The following EP300 variants were observed in gnomAD, a reference collection of about 807,000 sequenced individuals.
EP300 encodes the protein EP300 lysine acetyltransferase.
Under a neutral mutation model 264.0 loss-of-function variants are expected in EP300, and 31 were observed. That is an observed-to-expected ratio of 0.12 (90% confidence interval 0.09 to 0.16). The LOEUF (loss-of-function observed/expected upper bound fraction) is 0.16. Ranked by LOEUF, EP300 falls within the 10% of genes least tolerant of loss-of-function variation. The pLI, the probability that EP300 is intolerant of heterozygous loss-of-function variation, is 1.00. For synonymous variants in EP300, 1,340 were observed against 1,045.4 expected (o/e 1.28, Z -5.44); for missense variants, 2,766 against 3,052.9 (o/e 0.91, Z 2.21).
intron 8 of EP300, among the ~76,000 whole-genome samples, chr22:41,137,997 C>T (rs2058961713): frequency 6.6e-6 from 1 of 152,158 alleles, no homozygotes; most frequent in African/African-American, 2.4e-5. Flanking sequence ...GGTAGTCTTT[C>T]AGCTTTAATG....
At position 41,126,059 on chromosome 22, in the gene EP300, C is replaced by G. The variant is rs768099570; in HGVS notation, c.906+19C>G. On this transcript the variant is annotated intron_variant, in intron 3 of 30. Coordinates refer to ENST00000263253, the MANE Select transcript of EP300 (RefSeq NM_001429.4). ...CAACATGGTGAGTACTAATCCATTA[C>G]AGACTTGTTTTCAAACTGGCATTTT... is the stretch of plus-strand genomic sequence containing the variant. 1 of 1,612,782 alleles carries G rather than the reference C, an allele frequency of 6.2e-7. No homozygotes were observed. The highest frequency in any genetic ancestry group is 8.5e-7 in the Non-Finnish European group (1 of 1,178,804).
At chr22:41,108,276 TCTCATTCTGTCG>T (rs1203799570) in intron 1 of EP300, among the ~76,000 whole-genome samples, 2 of 134,366 alleles carry the variant, frequency 1.5e-5, no homozygotes, top group African/African-American at 2.9e-5. Flanking sequence ...TGAGACAGGG[TCTCATTCTGTCG>T]CCCAGTCTGG....
intron 10 of EP300, 43 bp from the exon 11 acceptor site, chr22:41,146,696 G>A: frequency 6.3e-7 from 1 of 1,578,596 alleles, no homozygotes; most frequent in Non-Finnish European, 8.7e-7. Context: ...GTTTGGTTAA[G>A]GGAAGATGGT....
chr22:41,171,806 T>A (rs1401314950), intron 27 of EP300, among the ~76,000 whole-genome samples: 6 of 151,528 alleles, frequency 4.0e-5, no homozygotes, highest in African/African-American at 1.5e-4. Flanking sequence ...AGAGACGGGG[T>A]TTCTCCACAT....
Position 41,177,890 on chromosome 22 carries a change from C to T in EP300, c.6179C>T (p.Ser2060Phe). ...CAAAACCTTTTGCGGACTCTCAGGT[C>T]TCCCAGCTCTCCCCTGCAGCAGCAA... is the stretch of plus-strand genomic sequence containing the variant. ...ALQNLLRTLR[S>F]PSSPLQQQQV... is the part of the protein sequence containing the mutation. The change falls in exon 31 of 31, where the codon TCT (serine) becomes TTT (phenylalanine). Residue 2060 changes from serine to phenylalanine, a missense_variant. By Grantham distance (155) the Ser-to-Phe change is radical. Transcript: ENST00000263253. 1 of 1,614,216 alleles carries T rather than the reference C, an allele frequency of 6.2e-7. No homozygotes were observed.
intron 28 of EP300, 145 bp from the exon 29 acceptor site, chr22:41,173,478 A>G (rs1181020121): frequency 2.2e-6 from 2 of 901,042 alleles, no homozygotes; most frequent in East Asian, 5.4e-5. Flanking sequence ...TTAAGGAGAA[A>G]GAATAAGTGA....
In EP300 at chr22:41,092,978, T is replaced by C. The variant is rs369105315; in HGVS notation, c.-27T>C. The C allele has an allele frequency of 9.3e-6, 15 of 1,613,446 alleles. No individual in the cohort carries two copies. Among genetic ancestry groups the C allele is most frequent in the South Asian group, 4.4e-5 (4 of 91,076 alleles). ...GATTTCCTGAGGATTCTGGTTTTCC[T>C]CGCTTGTATCTCCGAAAGAATTAAA... On this transcript the variant is annotated 5_prime_UTR_variant, in exon 1 of 31. Transcript: ENST00000263253.
Position 41,179,766 on chromosome 22 carries a change from TA to T in EP300, c.*817del. 4.3e-6 allele frequency: 1 copy of T among 230,926 alleles called. No individual in the cohort carries two copies. The allele number at this position is 230,926 out of a possible 1,614,324, so 14.3% of individuals were successfully genotyped here. On this transcript the variant is annotated 3_prime_UTR_variant, in exon 31 of 31. Transcript: ENST00000263253. ...TTCGTTATTTTTACATCTAACAAAG[TA>T]AAAAAATTAAAAAGAGGGTAAGAAA...
chr22:41,176,662 G>A, intron 30 of EP300, 111 bp from the exon 31 acceptor site: 1 of 1,610,046 alleles, frequency 6.2e-7, no homozygotes, highest in Admixed American at 1.7e-5. Flanking sequence ...GAGCTGAAGA[G>A]GCTAGTTTTT....
At chr22:41,169,719 C>T (rs537858296) in intron 26 of EP300, 103 bp downstream of exon 26, 10 of 726,176 alleles carry the variant, frequency 1.4e-5, no homozygotes, top group South Asian at 1.2e-4. Context: ...TTTTTTTCCT[C>T]ATTTTAGTTC....
Position 41,177,504 on chromosome 22 carries a change from G to A in EP300, c.5793G>A (p.Gln1931=), listed in dbSNP as rs2059208172. 5 of 1,614,198 alleles carry A rather than the reference G, an allele frequency of 3.1e-6. No homozygotes were observed. In the East Asian group the frequency reaches 1.1e-4, roughly 36 times the overall value. ...PPPAAVEMAM[Q]IQRAAETQRQ... ...CTGCAGCAGTGGAAATGGCAATGCAGATTCAGAGAGCAGCGGAGACGCAGC... is the reference window on the plus strand; with the variant it reads ...CTGCAGCAGTGGAAATGGCAATGCAAATTCAGAGAGCAGCGGAGACGCAGC... The change falls in exon 31 of 31, where the codon CAG becomes CAA. Residue 1931 remains glutamine (Q), a synonymous_variant. Transcript: ENST00000263253.
intron 15 of EP300, 90 bp from the exon 16 acceptor site, chr22:41,152,116 G>A (rs2059049555): frequency 1.9e-6 from 3 of 1,577,674 alleles, no homozygotes; most frequent in South Asian, 1.1e-5. Context: ...AGATCTCATG[G>A]CATAGATTTT....
chr22:41,093,052 T>C lies in EP300; in HGVS notation c.48T>C (p.Pro16=), dbSNP rs2058682349. The part of the protein sequence containing the change: ...VEPGPPSAKR[P]KLSSPALSAS... ...CGGGGCCGCCTTCAGCCAAGCGGCC[T>C]AAACTCTCATCTCCGGCCCTCTCGG... The change falls in exon 1 of 31, where the codon CCT becomes CCC. Residue 16 remains proline, a synonymous_variant. Coordinates refer to ENST00000263253, the MANE Select transcript of EP300 (RefSeq NM_001429.4). 1 of 1,614,020 alleles carries C rather than the reference T, an allele frequency of 6.2e-7. No individual in the cohort carries two copies. Among genetic ancestry groups the C allele is most frequent in the Non-Finnish European group, 8.5e-7 (1 of 1,180,032 alleles).
intron 7 of EP300, 111 bp downstream of exon 7, chr22:41,136,017 A>G: frequency 1.2e-6 from 1 of 837,676 alleles, no homozygotes; most frequent in Non-Finnish European, 2.0e-6. Context: ...GTCTTTGAAT[A>G]CAGATAGATG....
Position 41,130,014 on chromosome 22 carries a change from A to T in EP300, c.1282+11A>T. 1 of 1,598,016 alleles carries T rather than the reference A, an allele frequency of 6.3e-7. No homozygotes were observed. The highest frequency in any genetic ancestry group is 8.6e-7 in the Non-Finnish European group (1 of 1,165,690). The stretch of plus-strand genomic sequence containing the variant: ...AGAGAAATCAACAGCGTAAGTGATG[A>T]AATCTTTTGAAGGTTTATATGAAAA... On this transcript the variant is annotated intron_variant, in intron 5 of 30. Coordinates refer to ENST00000263253, the MANE Select transcript of EP300 (RefSeq NM_001429.4).
At chr22:41,134,609 G>A (rs1198740678) in intron 6 of EP300, among the ~76,000 whole-genome samples, 3 of 152,144 alleles carry the variant, frequency 2.0e-5, no homozygotes, top group African/African-American at 7.2e-5. Flanking sequence ...GGCCCAGGCT[G>A]GTCTTGAACT....
intron 18 of EP300, 133 bp from the exon 19 acceptor site, chr22:41,158,279 C>T (rs1180095897): frequency 2.7e-6 from 2 of 728,364 alleles, no homozygotes; most frequent in Non-Finnish European, 4.9e-6. Context: ...TTTTCAGGAA[C>T]TGAATTAGCC....
chr22:41,115,515 C>T (rs971624085), intron 1 of EP300, among the ~76,000 whole-genome samples: 4 of 152,138 alleles, frequency 2.6e-5, no homozygotes, highest in African/African-American at 9.7e-5. Flanking sequence ...TCACTACAAC[C>T]TCAAATTCCT....
intron 1 of EP300, among the ~76,000 whole-genome samples, chr22:41,114,168 G>A (rs1601596341): frequency 6.6e-6 from 1 of 151,898 alleles, no homozygotes; most frequent in Admixed American, 6.6e-5. Flanking sequence ...TACACATTTG[G>A]GTATTTGTTG....
Sources: allele counts gnomAD v4.1 joint callset (sites outside exome capture counted in the v4.1 genomes callset), GRCh38; gene constraint gnomAD v4.1.1; transcripts MANE v1.5; gene names NCBI Gene and HGNC (gene_info 2026-07-23, HGNC 2026-07-21).